The following LRBA variants were observed in gnomAD, a reference collection of about 807,000 sequenced individuals.
LRBA encodes lipopolysaccharide-responsive and beige-like anchor protein.
LRBA carries 176 observed loss-of-function variants against 330.0 expected under a neutral mutation model. That is an observed-to-expected ratio of 0.53 (90% CI 0.47 to 0.60). The LOEUF (loss-of-function observed/expected upper bound fraction) is 0.60. Ranked by LOEUF, LRBA falls within the 20% of genes least tolerant of loss-of-function variation. The pLI, the probability that LRBA is intolerant of heterozygous loss-of-function variation, is 0.00. For synonymous variants in LRBA, 1,230 were observed against 1,193.0 expected, an observed-to-expected ratio of 1.03 and a Z score of -0.64; for missense variants, 3,259 against 3,444.8, an observed-to-expected ratio of 0.95 and a Z score of 1.35.
At chr4:150,270,415 C>G (rs1745920341) in intron 56 of LRBA, among the ~76,000 whole-genome samples, 1 of 152,076 alleles carries the variant, frequency 6.6e-6, no homozygotes, top group South Asian at 2.1e-4. Context: ...AGTGTTATGC[C>G]AAGTGAAATA....
At chr4:150,870,674 A>C (rs1164689514) in intron 19 of LRBA, 68 bp from the exon 20 acceptor site, 25 of 758,898 alleles carry the variant, frequency 3.3e-5, no homozygotes, top group Non-Finnish European at 5.4e-5. Context: ...ATGAACTTTA[A>C]GTGCATCACT....
At chr4:150,452,076 G>A (rs1753410512) in intron 44 of LRBA, among the ~76,000 whole-genome samples, 1 of 152,060 alleles carries the variant, frequency 6.6e-6, no homozygotes, top group Non-Finnish European at 1.5e-5. Flanking sequence ...AACTCATTTT[G>A]TCACGTAAGC....
At chr4:150,269,165 A>T (rs1004421582) in intron 56 of LRBA, among the ~76,000 whole-genome samples, 1 of 152,228 alleles carries the variant, frequency 6.6e-6, no homozygotes, top group African/African-American at 2.4e-5. Flanking sequence ...TGGGTGACAG[A>T]GCGAAACAGA....
chr4:150,481,322 T>C lies in LRBA; in HGVS notation c.6551+6410A>G, dbSNP rs571170442. Among the ~76,000 whole-genome samples the C allele has an allele frequency of 2.8e-4, 43 of 152,230 alleles. 1 individual carries two copies. Among genetic ancestry groups the C allele is most frequent in the African/African-American group, 9.4e-4 (39 of 41,544 alleles). On this transcript the variant is annotated intron_variant, in intron 42 of 56. Transcript: ENST00000651943. ...ATGGTGGGTGCAGATGTCTCTTCAA[T>C]GTACTGATATCCTTTCGTGTGGATA...
At chr4:150,340,859 C>A (rs1735434376) in intron 48 of LRBA, among the ~76,000 whole-genome samples, 1 of 152,092 alleles carries the variant, frequency 6.6e-6, no homozygotes, top group South Asian at 2.1e-4. Context: ...CAGGACACAT[C>A]GATGAGGAAG....
At chr4:150,669,903 TGGCAA>T (rs1029930094) in intron 37 of LRBA, among the ~76,000 whole-genome samples, 2 of 152,180 alleles carry the variant, frequency 1.3e-5, no homozygotes, top group Non-Finnish European at 2.9e-5. Context: ...TTTGTATTTT[TGGCAA>T]GAAGACCATG....
At position 150,706,818 on chromosome 4, in the gene LRBA, A is replaced by G. The variant is rs146483321; in HGVS notation, c.5755-23101T>C. ...CACAGAAAGGGAAATACTAAGGTTC[A>G]GAGATCATCAAACTCACTCATAAAA... On this transcript the variant is annotated intron_variant, in intron 36 of 56. Transcript: ENST00000651943. Among the ~76,000 whole-genome samples the G allele has an allele frequency of 5.7e-3, 865 of 151,744 alleles. 42 individuals are homozygous for G. Among genetic ancestry groups the G allele is most frequent in the Admixed American group, 0.051 (783 of 15,230 alleles).
intron 9 of LRBA, among the ~76,000 whole-genome samples, chr4:150,909,130 T>A (rs1263700030): frequency 6.6e-6 from 1 of 152,212 alleles, no homozygotes; most frequent in Non-Finnish European, 1.5e-5. Context: ...AAAATTGTGA[T>A]CAAAAGCATA....
chr4:150,436,640 A>G lies in LRBA; in HGVS notation c.6921+84T>C, dbSNP rs919690761. 4.4e-6 allele frequency: 5 copies of G among 1,148,142 alleles called. No homozygotes were observed. In the Admixed American group the frequency reaches 7.8e-5, roughly 18 times the overall value. The allele number at this position is 1,148,142 out of a possible 1,614,324, so 71.1% of individuals were successfully genotyped here. On this transcript the variant is annotated intron_variant, in intron 45 of 56. Coordinates refer to ENST00000651943, the MANE Select transcript of LRBA (RefSeq NM_001364905.1). The stretch of plus-strand genomic sequence containing the variant: ...ACTGACTCTTTTAGTATTCAAAAAA[A>G]TATGCTTATGAGTTCTAATTTTTGC...
At chr4:150,642,919 G>T (rs1050277470) in intron 37 of LRBA, among the ~76,000 whole-genome samples, 36 of 151,930 alleles carry the variant, frequency 2.4e-4, no homozygotes, top group African/African-American at 8.4e-4. Context: ...AAAATGTAAT[G>T]TTATATTCGC....
chr4:150,862,714 C>T (rs1006272137), intron 22 of LRBA, among the ~76,000 whole-genome samples: 2 of 149,784 alleles, frequency 1.3e-5, no homozygotes, highest in Non-Finnish European at 1.5e-5. Context: ...CAGTCACGCA[C>T]GCCTGTAATC....
At chr4:150,568,156 AC>A (rs1489438899) in intron 40 of LRBA, among the ~76,000 whole-genome samples, 1 of 152,118 alleles carries the variant, frequency 6.6e-6, no homozygotes, top group East Asian at 1.9e-4. Flanking sequence ...AAATAAATAA[AC>A]AATAATATTA....
At chr4:150,381,063 C>T (rs914059668) in intron 47 of LRBA, among the ~76,000 whole-genome samples, 1 of 148,420 alleles carries the variant, frequency 6.7e-6, no homozygotes, top group Admixed American at 6.7e-5. Flanking sequence ...AATAGTTCAA[C>T]AAGCCGAATT....
Position 150,828,275 on chromosome 4 carries a change from T to G in LRBA, c.5076A>C (p.Gly1692=). Residue 1692 remains glycine, a synonymous_variant, in exon 30 of 57, where the codon GGA becomes GGC. Transcript: ENST00000651943. ...LRSLVNIPAD[G]VTVDPALLPP... ...GCAGAAGGGCAGGATCCACTGTGAC[T>G]CCATCTGCTGGTATGTTAACCAAGC... 2 of 1,614,168 alleles carry G rather than the reference T, an allele frequency of 1.2e-6. No individual in the cohort carries two copies. The highest frequency in any genetic ancestry group is 1.3e-5 in the African/African-American group (1 of 75,070).
intron 56 of LRBA, among the ~76,000 whole-genome samples, chr4:150,268,558 C>T (rs2126695790): frequency 6.6e-6 from 1 of 152,292 alleles, no homozygotes; most frequent in South Asian, 2.1e-4. Context: ...CACCATGACC[C>T]AGTGGGATTC....
rs1046654100 is a variant in LRBA at position 150,860,721 on chromosome 4, G to C, written c.2766+6950C>G. Among the ~76,000 whole-genome samples, 5 of 152,040 alleles carry C rather than the reference G, an allele frequency of 3.3e-5. No homozygotes were observed. The South Asian group carries it at 1.0e-3, about 32-fold the overall frequency. ...AGGCGCCTGTAGTCCCAGCTACTCA[G>C]GGAGGCTGAGGCAGAAGAATGGCGT... On this transcript the variant is annotated intron_variant, in intron 22 of 56. Coordinates refer to ENST00000651943, the MANE Select transcript of LRBA (RefSeq NM_001364905.1).
chr4:150,749,866 T>C (rs1733304562), intron 35 of LRBA, among the ~76,000 whole-genome samples: 1 of 152,256 alleles, frequency 6.6e-6, no homozygotes, highest in African/African-American at 2.4e-5. Flanking sequence ...TTTCTTAGCA[T>C]AGCTTATAGG....
intron 31 of LRBA, among the ~76,000 whole-genome samples, chr4:150,811,307 G>T (rs1743684674): frequency 6.6e-6 from 1 of 151,954 alleles, no homozygotes; most frequent in African/African-American, 2.4e-5. Flanking sequence ...TAGGATTATT[G>T]ATGGATTTTC....
chr4:150,668,056 C>G (rs1293896212), intron 37 of LRBA, among the ~76,000 whole-genome samples: 9 of 152,184 alleles, frequency 5.9e-5, no homozygotes, highest in Admixed American at 5.9e-4. Context: ...TCTTCCCTAT[C>G]ATAAATGTTC....
Sources: gnomAD v4.1 joint callset for allele counts (sites outside exome capture counted in the v4.1 genomes callset) on GRCh38, gnomAD v4.1.1 for gene constraint, MANE v1.5 for transcripts, NCBI Gene and HGNC (gene_info 2026-07-23, HGNC 2026-07-21) for gene names.